The following PTPRG variants were observed in gnomAD, a reference collection of about 807,000 sequenced individuals.
PTPRG encodes the protein receptor-type tyrosine-protein phosphatase gamma.
Under a neutral mutation model 165.3 loss-of-function variants are expected in PTPRG, and 102 were observed. That is an observed-to-expected ratio of 0.62 (90% CI 0.53 to 0.73). The LOEUF (loss-of-function observed/expected upper bound fraction) is 0.73. PTPRG is among the 30% of genes least tolerant of loss of function. PTPRG has a pLI of 0.00. For synonymous variants in PTPRG, 675 were observed against 669.5 expected (o/e 1.01, Z -0.13); for missense variants, 1,866 against 1,861.4 (o/e 1.00, Z -0.05).
chr3:62,158,278 C>T (rs745506716), intron 7 of PTPRG, among the ~76,000 whole-genome samples: 5 of 152,172 alleles, frequency 3.3e-5, no homozygotes, highest in Non-Finnish European at 7.3e-5. Flanking sequence ...CAAAATTCAG[C>T]ATGGACTGAA....
intron 2 of PTPRG, among the ~76,000 whole-genome samples, chr3:61,938,237 T>C (rs2039527240): frequency 6.8e-6 from 1 of 146,288 alleles, no homozygotes; most frequent in African/African-American, 2.5e-5. Context: ...TCTTTTTCCT[T>C]TTTTTTTTTT....
chr3:62,074,419 C>T (rs994301840), intron 4 of PTPRG, among the ~76,000 whole-genome samples: 8 of 143,414 alleles, frequency 5.6e-5, no homozygotes, highest in African/African-American at 2.1e-4. Context: ...GCAGTGGAGC[C>T]CTCAGTAGCC....
At chr3:61,580,381 ATT>A (rs36020375) in intron 1 of PTPRG, among the ~76,000 whole-genome samples, 7 of 137,632 alleles carry the variant, frequency 5.1e-5, no homozygotes, top group African/African-American at 2.7e-5. Flanking sequence ...CTCTATTCTG[ATT>A]TTTTTTTTTT....
intron 1 of PTPRG, among the ~76,000 whole-genome samples, chr3:61,642,027 G>A (rs187514998): frequency 9.4e-4 from 143 of 152,294 alleles, no homozygotes; most frequent in African/African-American, 3.3e-3. Context: ...GCCGTTGCCC[G>A]CAAGGCCGCT....
At chr3:61,955,938 T>A (rs2040016768) in intron 2 of PTPRG, among the ~76,000 whole-genome samples, 1 of 152,062 alleles carries the variant, frequency 6.6e-6, no homozygotes, top group South Asian at 2.1e-4. Flanking sequence ...AATAGGAGTA[T>A]AACACAAAGT....
intron 10 of PTPRG, among the ~76,000 whole-genome samples, chr3:62,197,893 T>C (rs1452503767): frequency 6.6e-6 from 1 of 152,242 alleles, no homozygotes; most frequent in Admixed American, 6.5e-5. Flanking sequence ...CTACAGACTT[T>C]CTTTCCTCAG....
intron 2 of PTPRG, among the ~76,000 whole-genome samples, chr3:61,753,913 T>A (rs1248965087): frequency 6.6e-6 from 1 of 152,004 alleles, no homozygotes; most frequent in Non-Finnish European, 1.5e-5. Context: ...TTTTTATATA[T>A]AAAGTTATTT....
chr3:61,848,770 GTA>G (rs1339690183), intron 2 of PTPRG, among the ~76,000 whole-genome samples: 1 of 152,132 alleles, frequency 6.6e-6, no homozygotes, highest in African/African-American at 2.4e-5. Flanking sequence ...CCACACACAT[GTA>G]TACATGTGTA....
chr3:61,874,915 C>G (rs34800612), intron 2 of PTPRG, among the ~76,000 whole-genome samples: 18,556 of 152,218 alleles, frequency 0.12, 1,939 homozygotes, highest in African/African-American at 0.28. Context: ...CAAAATTTGT[C>G]TTATGTAGAG....
At chr3:61,890,933 C>G (rs2038196888) in intron 2 of PTPRG, among the ~76,000 whole-genome samples, 1 of 152,172 alleles carries the variant, frequency 6.6e-6, no homozygotes, top group South Asian at 2.1e-4. Context: ...CTTTTGCCAA[C>G]TTTGATGAGT....
chr3:62,164,172 A>G (rs751175667), intron 7 of PTPRG, among the ~76,000 whole-genome samples: 49 of 152,204 alleles, frequency 3.2e-4, no homozygotes, highest in Non-Finnish European at 4.7e-4. Context: ...CCTGATTTCC[A>G]TATTGCACAA....
At chr3:62,031,759 A>T (rs1234741998) in intron 4 of PTPRG, among the ~76,000 whole-genome samples, 1 of 152,152 alleles carries the variant, frequency 6.6e-6, no homozygotes, top group Non-Finnish European at 1.5e-5. Flanking sequence ...TTGGCAAATG[A>T]GGTTGACAAT....
intron 4 of PTPRG, among the ~76,000 whole-genome samples, chr3:62,035,631 A>T (rs1699914897): frequency 6.6e-6 from 1 of 152,190 alleles, no homozygotes; most frequent in South Asian, 2.1e-4. Context: ...ACATTCATAG[A>T]CTTATAATCC....
At chr3:62,014,569 C>G (rs1398144219) in intron 4 of PTPRG, among the ~76,000 whole-genome samples, 1 of 152,184 alleles carries the variant, frequency 6.6e-6, no homozygotes, top group African/African-American at 2.4e-5. Flanking sequence ...CTGTTCATTT[C>G]TAAAATTCAG....
chr3:62,119,361 C>T (rs1702977434), intron 5 of PTPRG, among the ~76,000 whole-genome samples: 1 of 152,186 alleles, frequency 6.6e-6, no homozygotes, highest in African/African-American at 2.4e-5. Flanking sequence ...CCATGGGAGC[C>T]ACATTGAGCT....
Position 62,277,596 on chromosome 3 carries a change from C to G in PTPRG, c.3682C>G (p.Pro1228Ala), listed in dbSNP as rs766338559. Residue 1228 changes from proline (P) to alanine (A), a missense_variant, in exon 26 of 30, where the codon CCA (proline) becomes GCA (alanine). Coordinates refer to ENST00000474889, the MANE Select transcript of PTPRG (RefSeq NM_002841.4). ...NEFIITQHPLPHTTKDFWRMI... is the reference protein window; with the variant it reads ...NEFIITQHPLAHTTKDFWRMI... ...ATTTATTATAACTCAGCATCCTCTGCCACATACTACGAAAGATTTCTGGCG... is the reference window on the plus strand; with the variant it reads ...ATTTATTATAACTCAGCATCCTCTGGCACATACTACGAAAGATTTCTGGCG... 3 of 1,612,436 alleles carry G rather than the reference C, an allele frequency of 1.9e-6. No homozygotes were observed. The South Asian group carries it at 3.3e-5, about 18-fold the overall frequency.
intron 1 of PTPRG, among the ~76,000 whole-genome samples, chr3:61,659,855 T>C (rs1009227486): frequency 6.6e-6 from 1 of 151,888 alleles, no homozygotes; most frequent in Admixed American, 6.6e-5. Flanking sequence ...AAATGAATGG[T>C]TTTTTTTAAA....
At chr3:62,088,300 C>G (rs572450393) in intron 5 of PTPRG, among the ~76,000 whole-genome samples, 11 of 152,338 alleles carry the variant, frequency 7.2e-5, no homozygotes, top group African/African-American at 2.6e-4. Flanking sequence ...GGTCAAGAAA[C>G]TCAGCTTTAT....
chr3:61,864,296 A>G (rs952146062), intron 2 of PTPRG, among the ~76,000 whole-genome samples: 18 of 152,216 alleles, frequency 1.2e-4, no homozygotes, highest in African/African-American at 3.9e-4. Flanking sequence ...TATGTACCCC[A>G]GGAGACACAA....
Sources: allele counts gnomAD v4.1 joint callset (sites outside exome capture counted in the v4.1 genomes callset), GRCh38; gene constraint gnomAD v4.1.1; transcripts MANE v1.5; gene names NCBI Gene and HGNC (gene_info 2026-07-23, HGNC 2026-07-21).